ANKRD13A: variants seen among roughly 807,000 people sequenced by gnomAD.
ANKRD13A encodes ankyrin repeat domain 13A, also known as ankyrin repeat domain-containing protein 13A.
ANKRD13A carries 48 observed loss-of-function variants against 81.3 expected under a neutral mutation model. The ratio of observed to expected loss-of-function variants is 0.59; its 90% CI spans 0.47 to 0.75. The LOEUF is 0.75. Among genes scored for constraint, ANKRD13A ranks in the 30% least tolerant of loss-of-function variants. The pLI, the probability that ANKRD13A is intolerant of heterozygous loss-of-function variation, is 0.00. For missense variants in ANKRD13A, 612 were observed against 734.0 expected (o/e 0.83, Z 1.92); for synonymous variants, 230 against 270.1 (o/e 0.85, Z 1.45).
intron 4 of ANKRD13A, among the ~76,000 whole-genome samples, chr12:110,017,343 A>AT (rs556241913): frequency 6.1e-4 from 93 of 151,580 alleles, no homozygotes; most frequent in African/African-American, 1.2e-3. Flanking sequence ...GGAATAGCTT[A>AT]TTTTTTTTTA....
Position 110,037,668 on chromosome 12 carries a change from A to AGGTGCAGGC in ANKRD13A, c.*114_*115insGGTGCAGGC. 3 of 1,064,800 alleles carry AGGTGCAGGC rather than the reference A, an allele frequency of 2.8e-6. No homozygotes were observed. Among genetic ancestry groups the AGGTGCAGGC allele is most frequent in the Non-Finnish European group, 4.0e-6 (3 of 753,682 alleles). 66.0% of individuals were successfully genotyped at this position (1,064,800 alleles called of 1,614,324 possible). On this transcript the variant is annotated 3_prime_UTR_variant, in exon 15 of 15. Transcript: ENST00000261739. ...GCACCTTGCGTGCATGCAGCAGGCA[A>AGGTGCAGGC]CAACTGCCCCTTCTTTATGCAGAGG...
rs1030104693 is a variant in ANKRD13A at position 110,037,736 on chromosome 12, G to A, written c.*182G>A. 4.4e-5 allele frequency: 24 copies of A among 549,728 alleles called. No individual in the cohort carries two copies. In the Admixed American group the frequency reaches 7.2e-4, roughly 16 times the overall value. The allele number at this position is 549,728 out of a possible 1,614,324, so 34.1% of individuals were successfully genotyped here. On this transcript the variant is annotated 3_prime_UTR_variant, in exon 15 of 15. Transcript: ENST00000261739. ...CTGGGCCCATCCAGGCTGCTCCCTG[G>A]GGTGGAGAAGGGACCAGGGATTGCA...
Position 110,018,593 on chromosome 12 carries a change from C to A in ANKRD13A, c.544+105C>A. On this transcript the variant is annotated intron_variant, in intron 5 of 14. Coordinates refer to ENST00000261739, the MANE Select transcript of ANKRD13A (RefSeq NM_033121.2). The surrounding 1 kb of genome is among the most constrained non-coding windows in gnomAD (Gnocchi z 4.4). ...CATGTGACTTTTCTGTCTGATCCTT[C>A]CTAGGGCATGTTTTTTTGGTTATTC... 1 of 1,342,434 alleles carries A rather than the reference C, an allele frequency of 7.4e-7. No individual in the cohort carries two copies. The highest frequency in any genetic ancestry group is 1.0e-6 in the Non-Finnish European group (1 of 982,330). 83.2% of individuals were successfully genotyped at this position (1,342,434 alleles called of 1,614,324 possible).
intron 9 of ANKRD13A, 57 bp from the exon 10 acceptor site, chr12:110,028,454 GC>G: frequency 1.9e-6 from 3 of 1,602,626 alleles, no homozygotes; most frequent in Non-Finnish European, 2.6e-6. Flanking sequence ...AGTGCCACAG[GC>G]CTTCACTTGT....
intron 1 of ANKRD13A, among the ~76,000 whole-genome samples, chr12:110,001,959 G>T (rs1454944805): frequency 6.6e-6 from 1 of 151,838 alleles, no homozygotes; most frequent in Non-Finnish European, 1.5e-5. Flanking sequence ...ACCAGTTTTG[G>T]TTTTTAGGAA....
At chr12:110,029,669 G>A (rs377451135) in intron 11 of ANKRD13A, 34 bp downstream of exon 11, 1 of 1,602,160 alleles carries the variant, frequency 6.2e-7, no homozygotes. Context: ...ACACTTGGAG[G>A]TTCTGCCCAT....
chr12:110,034,696 A>C (rs1164704034), intron 13 of ANKRD13A, among the ~76,000 whole-genome samples: 1 of 150,498 alleles, frequency 6.6e-6, no homozygotes, highest in African/African-American at 2.5e-5. Flanking sequence ...CCTAACATCA[A>C]CTCCTTCCAT....
intron 1 of ANKRD13A, among the ~76,000 whole-genome samples, chr12:110,001,637 T>C (rs1912516): frequency 0.18 from 26,608 of 151,840 alleles, 3,079 homozygotes; most frequent in Admixed American, 0.29. Context: ...GCCATGCTGG[T>C]TTCAACCCCT....
intron 7 of ANKRD13A, among the ~76,000 whole-genome samples, chr12:110,025,217 A>G (rs1015340871): frequency 2.0e-5 from 3 of 152,134 alleles, no homozygotes; most frequent in African/African-American, 7.2e-5. Context: ...TTAACCAGTC[A>G]TAGTAGCACA....
In ANKRD13A at chr12:110,039,095, A is replaced by G. The variant is rs1892227713; in HGVS notation, c.*1541A>G. The stretch of plus-strand genomic sequence containing the variant: ...TTTTTTTTTTTGTCATTGTCTGACC[A>G]AAATTCCTTCTGCACATGAGGCCAG... On this transcript the variant is annotated 3_prime_UTR_variant, in exon 15 of 15. Coordinates refer to ENST00000261739, the MANE Select transcript of ANKRD13A (RefSeq NM_033121.2). 1 of 151,442 alleles carries G rather than the reference A, an allele frequency of 6.6e-6. No individual in the cohort carries two copies. Among genetic ancestry groups the G allele is most frequent in the Non-Finnish European group, 1.5e-5 (1 of 67,952 alleles). 9.4% of individuals were successfully genotyped at this position (151,442 alleles called of 1,614,324 possible).
intron 1 of ANKRD13A, among the ~76,000 whole-genome samples, chr12:110,011,122 A>G (rs1308114452): frequency 1.3e-5 from 2 of 150,026 alleles, no homozygotes; most frequent in African/African-American, 2.5e-5. Flanking sequence ...AAAAAAAAAA[A>G]GGTTGTACTT....
At chr12:110,030,198 G>A (rs191849125) in intron 11 of ANKRD13A, among the ~76,000 whole-genome samples, 2 of 150,480 alleles carry the variant, frequency 1.3e-5, no homozygotes, top group East Asian at 2.0e-4. Context: ...ATGGAGTCTC[G>A]CTCTGTTGCC....
At chr12:110,034,181 G>A (rs1309180664) in intron 13 of ANKRD13A, among the ~76,000 whole-genome samples, 2 of 152,174 alleles carry the variant, frequency 1.3e-5, no homozygotes, top group African/African-American at 4.8e-5. Flanking sequence ...GATGTCTTCA[G>A]GCAGACTTTC....
At chr12:110,021,290 C>G in intron 6 of ANKRD13A, 1 of 301,930 alleles carries the variant, frequency 3.3e-6, no homozygotes, top group Admixed American at 3.8e-5. Flanking sequence ...TATAGCTGCT[C>G]TTGAATGTGA....
At chr12:110,034,343 C>G (rs531621976) in intron 13 of ANKRD13A, among the ~76,000 whole-genome samples, 8 of 152,086 alleles carry the variant, frequency 5.3e-5, no homozygotes, top group Non-Finnish European at 1.2e-4. Context: ...GGATTTGAAT[C>G]CCACTTCCTC....
chr12:110,019,861 G>T (rs530999425), intron 6 of ANKRD13A, among the ~76,000 whole-genome samples: 60 of 152,312 alleles, frequency 3.9e-4, no homozygotes, highest in African/African-American at 1.4e-3. Context: ...TTCTGTTCCA[G>T]ACTCATAAAG....
At chr12:110,035,595 G>A (rs1891993436) in intron 13 of ANKRD13A, among the ~76,000 whole-genome samples, 1 of 151,978 alleles carries the variant, frequency 6.6e-6, no homozygotes. Context: ...GATTACAGGT[G>A]CGCACCACCA....
rs539545010 is a variant in ANKRD13A at position 110,038,678 on chromosome 12, T to C, written c.*1124T>C. On this transcript the variant is annotated 3_prime_UTR_variant, in exon 15 of 15. Transcript: ENST00000261739. ...ATCTTTTTATTATTTGTAAAAGATA[T>C]AAAAACAACTCCCATCAGTAGCAAT... 9 of 152,790 alleles carry C rather than the reference T, an allele frequency of 5.9e-5. No homozygotes were observed. In the East Asian group the frequency reaches 1.5e-3, roughly 26 times the overall value. 9.5% of individuals were successfully genotyped at this position (152,790 alleles called of 1,614,324 possible).
intron 1 of ANKRD13A, among the ~76,000 whole-genome samples, chr12:110,004,750 A>G (rs1017717529): frequency 2.0e-5 from 3 of 152,256 alleles, no homozygotes; most frequent in Non-Finnish European, 4.4e-5. Flanking sequence ...AATCCCTTTT[A>G]GGGAGAAAGT....
Sources: gnomAD v4.1 joint callset for allele counts (sites outside exome capture counted in the v4.1 genomes callset) on GRCh38, gnomAD v4.1.1 for gene constraint, Gnocchi (gnomAD v3.1) non-coding constraint, MANE v1.5 for transcripts, NCBI Gene and HGNC (gene_info 2026-07-23, HGNC 2026-07-21) for gene names.